CUX1: variants seen among roughly 807,000 people sequenced by gnomAD.
The protein encoded by CUX1 is cut like homeobox 1.
A neutral mutation model predicts 158.8 loss-of-function variants in CUX1; 31 were observed. That is an observed-to-expected ratio of 0.20 (90% CI 0.15 to 0.26). The LOEUF (loss-of-function observed/expected upper bound fraction) is 0.26, where lower values mean the gene tolerates loss of function less well. Among genes scored for constraint, CUX1 ranks in the 10% least tolerant of loss-of-function variants. CUX1 has a pLI of 1.00. For missense variants in CUX1, 1,589 were observed against 2,014.6 expected (o/e 0.79, Z 4.04); for synonymous variants, 879 against 862.1 (o/e 1.02, Z -0.34).
intron 2 of CUX1, among the ~76,000 whole-genome samples, chr7:101,931,592 G>A (rs1295914222): frequency 6.6e-6 from 1 of 152,142 alleles, no homozygotes; most frequent in Non-Finnish European, 1.5e-5. Flanking sequence ...TTGAGACAGA[G>A]TCTCACTCTG....
chr7:102,178,610 A>G lies in CUX1; in HGVS notation c.970A>G (p.Ile324Val). Residue 324 changes from isoleucine to valine, a missense_variant, in exon 11 of 24, where the codon ATC (isoleucine) becomes GTC (valine). By Grantham distance (29) the Ile-to-Val change is conservative. This residue lies in a region of CUX1 where 515 missense variants were observed against 574.4 expected (regional missense o/e 0.90). Transcript: ENST00000292535. ...TKLRENSASQ[I>V]SQLEQQLSAK... Reference sequence around the variant, plus strand: ...GCTGCGGGAGAATTCGGCCAGCCAGATCTCACAGCTTGAGCAGCAGCTGAG... The same window carrying G: ...GCTGCGGGAGAATTCGGCCAGCCAGGTCTCACAGCTTGAGCAGCAGCTGAG... The G allele has an allele frequency of 6.2e-7, 1 of 1,611,816 alleles. No individual in the cohort carries two copies. The highest frequency in any genetic ancestry group is 8.5e-7 in the Non-Finnish European group (1 of 1,178,980).
chr7:101,855,738 C>T (rs1340451975), intron 1 of CUX1, among the ~76,000 whole-genome samples: 8 of 151,820 alleles, frequency 5.3e-5, no homozygotes, highest in Admixed American at 2.0e-4. Context: ...ATTAGCTGGG[C>T]GCAGTGGCAG....
At chr7:101,907,376 T>G (rs994695284) in intron 1 of CUX1, among the ~76,000 whole-genome samples, 1 of 151,940 alleles carries the variant, frequency 6.6e-6, no homozygotes, top group Non-Finnish European at 1.5e-5. Context: ...GAGACCAGAG[T>G]CTCACTCTGT....
intron 1 of CUX1, among the ~76,000 whole-genome samples, chr7:101,852,482 G>T (rs1395253892): frequency 4.6e-5 from 7 of 151,806 alleles, no homozygotes; most frequent in African/African-American, 1.7e-4. Flanking sequence ...GCTGGGCATC[G>T]TGGCACACAC....
intron 3 of CUX1, among the ~76,000 whole-genome samples, chr7:102,034,474 G>T (rs984642612): frequency 1.3e-5 from 2 of 152,046 alleles, no homozygotes; most frequent in African/African-American, 4.8e-5. Context: ...ACAAAAACAG[G>T]CCGGGCACTG....
chr7:101,828,151 G>A (rs779543123), intron 1 of CUX1, among the ~76,000 whole-genome samples: 12 of 151,990 alleles, frequency 7.9e-5, no homozygotes, highest in Non-Finnish European at 1.3e-4. Flanking sequence ...AATTTTTATA[G>A]TAGAGATGGG....
intron 6 of CUX1, among the ~76,000 whole-genome samples, chr7:102,110,656 TA>T (rs1554489821): frequency 6.6e-6 from 1 of 152,206 alleles, no homozygotes; most frequent in Admixed American, 6.5e-5. Flanking sequence ...TGTTATGCAT[TA>T]ATTTCTATTA....
intron 12 of CUX1, among the ~76,000 whole-genome samples, chr7:102,190,989 C>G (rs1411255677): frequency 6.6e-6 from 1 of 152,184 alleles, no homozygotes; most frequent in Non-Finnish European, 1.5e-5. Context: ...TAATTCCATT[C>G]TGCTAAGAAA....
At chr7:101,902,614 C>T (rs138433770) in intron 1 of CUX1, among the ~76,000 whole-genome samples, 60 of 152,320 alleles carry the variant, frequency 3.9e-4, no homozygotes, top group African/African-American at 1.4e-3. Flanking sequence ...GGAGGGTCAA[C>T]CCACTACAAA....
intron 2 of CUX1, among the ~76,000 whole-genome samples, chr7:102,011,121 TA>T (rs112751614): frequency 6.9e-5 from 10 of 145,120 alleles, no homozygotes; most frequent in African/African-American, 1.3e-4. Context: ...CTCAGAAAAA[TA>T]AAAAAAAAAA....
In CUX1 at chr7:101,869,450, T is replaced by C. The variant is rs1228220229; in HGVS notation, c.31-46665T>C. 6.6e-6 allele frequency among the ~76,000 whole-genome samples: 1 copy of C among 152,088 alleles called. No homozygotes were observed. Among genetic ancestry groups the C allele is most frequent in the Non-Finnish European group, 1.5e-5 (1 of 68,020 alleles). On this transcript the variant is annotated intron_variant, in intron 1 of 23. Coordinates refer to ENST00000292535, the MANE Select transcript of CUX1 (RefSeq NM_181552.4). This position sits in a 1 kb window ranked among gnomAD's most constrained non-coding sequence, Gnocchi z 4.5. The stretch of plus-strand genomic sequence containing the variant: ...AATTGGCCACAGGTCTCCTAATGCC[T>C]GGCATGTGCGTCAACGCATCTCTGA...
chr7:101,899,180 T>G (rs1207153736), intron 1 of CUX1, among the ~76,000 whole-genome samples: 1 of 152,206 alleles, frequency 6.6e-6, no homozygotes, highest in Admixed American at 6.5e-5. Context: ...TGGGTCCTTA[T>G]AGATCCCACA....
Position 101,887,843 on chromosome 7 carries a change from ATTTTTTT to A in CUX1, c.31-28257_31-28251del, listed in dbSNP as rs554136468. Among the ~76,000 whole-genome samples the A allele has an allele frequency of 9.1e-3, 697 of 76,960 alleles. 6 individuals carry two copies. The highest frequency in any genetic ancestry group is 0.04 in the African/African-American group (679 of 17,136). 50.5% of individuals were successfully genotyped at this position (76,960 alleles called of 152,430 possible). The stretch of plus-strand genomic sequence containing the variant: ...CACTGGATCTGGTGATGACGGTGAC[ATTTTTTT>A]TTTTTTTTTTTTTTGTTTAGAAGCT... On this transcript the variant is annotated intron_variant, in intron 1 of 23. Transcript: ENST00000292535.
chr7:101,895,911 T>TTTTTG (rs1801444525), intron 1 of CUX1, among the ~76,000 whole-genome samples: 3 of 110,772 alleles, frequency 2.7e-5, no homozygotes, highest in Admixed American at 1.0e-4. Flanking sequence ...TGTTTTTGTT[T>TTTTTG]TTTTTTTTTT....
intron 8 of CUX1, among the ~76,000 whole-genome samples, chr7:102,146,812 G>A (rs1554502187): frequency 6.6e-6 from 1 of 152,044 alleles, no homozygotes; most frequent in Non-Finnish European, 1.5e-5. Context: ...TGGCCAGGCT[G>A]GTCTCAAACT....
chr7:102,066,523 C>T (rs1004310829), intron 3 of CUX1, among the ~76,000 whole-genome samples: 2 of 152,208 alleles, frequency 1.3e-5, no homozygotes, highest in African/African-American at 4.8e-5. Context: ...GGACAGAGTT[C>T]AGGATCCTTC....
rs939645559 is a variant in CUX1, at chr7:102,252,630, G to A, written c.*3588G>A. The stretch of plus-strand genomic sequence containing the variant: ...ATTTAGCCTCTTGACCCGGAGTTCC[G>A]GCCCAAGCTCCCTTGTGATAGCCGA... On this transcript the variant is annotated 3_prime_UTR_variant, in exon 24 of 24. Coordinates refer to ENST00000292535, the MANE Select transcript of CUX1 (RefSeq NM_181552.4). 15 of 985,250 alleles carry A rather than the reference G, an allele frequency of 1.5e-5. No homozygotes were observed. Among genetic ancestry groups the A allele is most frequent in the East Asian group, 2.3e-4 (2 of 8,822 alleles). 61.0% of individuals were successfully genotyped at this position (985,250 alleles called of 1,614,324 possible). A position where few individuals can be genotyped will look rare whatever the true frequency, so the allele number is the denominator to read the frequency against.
intron 3 of CUX1, among the ~76,000 whole-genome samples, chr7:102,054,571 T>G (rs1348619848): frequency 3.9e-5 from 6 of 152,346 alleles, no homozygotes; most frequent in East Asian, 1.9e-4. Context: ...AATTGGGAAG[T>G]GTGACTCCTC....
intron 20 of CUX1, among the ~76,000 whole-genome samples, chr7:102,207,225 C>T (rs965886766): frequency 1.3e-5 from 2 of 152,118 alleles, no homozygotes; most frequent in African/African-American, 4.8e-5. Context: ...AGGCGATGAG[C>T]CCCTGGATGA....
Sources: allele counts gnomAD v4.1 joint callset (sites outside exome capture counted in the v4.1 genomes callset), GRCh38; gene constraint gnomAD v4.1.1; regional missense constraint gnomAD v4.1.1; non-coding constraint Gnocchi (gnomAD v3.1); transcripts MANE v1.5; gene names NCBI Gene and HGNC (gene_info 2026-07-23, HGNC 2026-07-21).